Variants in KLHL4 observed in about 807,000 individuals in gnomAD.
KLHL4 encodes the protein kelch-like protein 4.
In KLHL4, 17 loss-of-function variants were observed where a neutral mutation model predicts 45.8. The ratio of observed to expected loss-of-function variants is 0.37; its 90% CI spans 0.25 to 0.56. The LOEUF is 0.56. KLHL4 is among the 20% of genes least tolerant of loss of function. KLHL4 has a pLI of 0.79. For synonymous variants in KLHL4, 224 were observed against 189.9 expected (o/e 1.18, Z -1.47); for missense variants, 544 against 544.9 (o/e 1.00, Z 0.02).
intron 9 of KLHL4, among the ~76,000 whole-genome samples, chrX:87,662,382 T>C (rs1924216981): frequency 9.0e-6 from 1 of 111,550 alleles, no homozygotes; most frequent in African/African-American, 3.3e-5. Context: ...TTCAAAAGGG[T>C]ATTTGAATAA....
intron 9 of KLHL4, among the ~76,000 whole-genome samples, chrX:87,637,258 G>A (rs1024749970): frequency 2.7e-5 from 3 of 111,455 alleles, no homozygotes; most frequent in Non-Finnish European, 5.6e-5. Flanking sequence ...TGGTGCTCAG[G>A]AAGCCCCATC....
chrX:87,546,056 C>CA lies in KLHL4; in HGVS notation c.422+27747dup, dbSNP rs778551609. Among the ~76,000 whole-genome samples the CA allele has an allele frequency of 1.8e-4, 20 of 111,293 alleles. No individual in the cohort carries two copies. The South Asian group carries it at 2.3e-3, about 13-fold the overall frequency. The stretch of plus-strand genomic sequence containing the variant: ...TGGCGATGCAATAGGAAAACAAAAA[C>CA]AAAAAACAACAAAACAAAACAAAAC... On this transcript the variant is annotated intron_variant, in intron 1 of 10. Coordinates refer to ENST00000373119, the MANE Select transcript of KLHL4 (RefSeq NM_019117.5).
At chrX:87,595,581 A>G (rs1270178040) in intron 1 of KLHL4, among the ~76,000 whole-genome samples, 1 of 111,593 alleles carries the variant, frequency 9.0e-6, no homozygotes, top group Non-Finnish European at 1.9e-5. Flanking sequence ...ACATTCCCCA[A>G]TTTATTTTTG....
chrX:87,568,383 C>CTTTTTTT lies in KLHL4; in HGVS notation c.423-45493_423-45487dup, dbSNP rs756469573. ...CTACAGCTTTTTTTCTTTTTCTTTT[C>CTTTTTTT]TTTTTTTCTTTTTTTTTTTTTTTTT... is the stretch of plus-strand genomic sequence containing the variant. On this transcript the variant is annotated intron_variant, in intron 1 of 10. Coordinates refer to ENST00000373119, the MANE Select transcript of KLHL4 (RefSeq NM_019117.5). Among the ~76,000 whole-genome samples the CTTTTTTT allele has an allele frequency of 2.0e-4, 12 of 59,211 alleles. 1 individual carries two copies. In the South Asian group the frequency reaches 6.9e-3, roughly 34 times the overall value. 51.4% of individuals were successfully genotyped at this position (59,211 alleles called of 115,157 possible).
intron 9 of KLHL4, among the ~76,000 whole-genome samples, chrX:87,637,353 C>T (rs1923295855): frequency 8.9e-6 from 1 of 111,863 alleles, no homozygotes; most frequent in South Asian, 3.7e-4. Context: ...AGTTCCAGAT[C>T]TTCCCTCTGA....
intron 9 of KLHL4, among the ~76,000 whole-genome samples, chrX:87,654,332 C>T (rs1160875408): frequency 9.0e-6 from 1 of 111,217 alleles, no homozygotes; most frequent in Non-Finnish European, 1.9e-5. Context: ...GTGTCTACTA[C>T]TCCACTTCCT....
In KLHL4 at chrX:87,622,238, C is replaced by A; in HGVS notation, c.952C>A (p.Gln318Lys). The A allele has an allele frequency of 8.3e-7, 1 of 1,207,264 alleles. No individual in the cohort carries two copies. Among genetic ancestry groups the A allele is most frequent in the East Asian group, 3.0e-5 (1 of 33,775 alleles). The change falls in exon 5 of 11, where the codon CAA becomes AAA. Residue 318 changes from glutamine to lysine, a missense_variant. Transcript: ENST00000373119. ...MEHFIEVIKN[Q>K]EFLLLPANEI... The stretch of plus-strand genomic sequence containing the variant: ...ACACTTCATTGAGGTAATAAAAAAC[C>A]AAGAATTCCTCCTGCTTCCAGCTAA...
intron 1 of KLHL4, among the ~76,000 whole-genome samples, chrX:87,545,837 G>T (rs981725562): frequency 9.0e-6 from 1 of 111,354 alleles, no homozygotes; most frequent in Admixed American, 9.6e-5. Flanking sequence ...GGCTGAGGTG[G>T]TCTCAGATGT....
At chrX:87,594,473 T>C (rs773828474) in intron 1 of KLHL4, among the ~76,000 whole-genome samples, 1 of 111,861 alleles carries the variant, frequency 8.9e-6, no homozygotes, top group African/African-American at 3.2e-5. Flanking sequence ...TCTGCCCTCA[T>C]GTGTTAAACT....
intron 1 of KLHL4, among the ~76,000 whole-genome samples, chrX:87,573,795 C>T (rs1181825203): frequency 3.6e-5 from 4 of 111,414 alleles, no homozygotes; most frequent in Admixed American, 1.9e-4. Flanking sequence ...CTAAGCCATA[C>T]AAATATTTTT....
chrX:87,545,240 C>A (rs1347990001), intron 1 of KLHL4, among the ~76,000 whole-genome samples: 1 of 112,178 alleles, frequency 8.9e-6, no homozygotes, highest in Non-Finnish European at 1.9e-5. Context: ...TTTGAAAATA[C>A]ACAGTCAGAG....
intron 1 of KLHL4, among the ~76,000 whole-genome samples, chrX:87,591,635 A>G (rs770223392): frequency 1.8e-5 from 2 of 111,580 alleles, no homozygotes; most frequent in Non-Finnish European, 1.9e-5. Flanking sequence ...TTCTGTGTAG[A>G]AGCTTTTTAG....
chrX:87,524,358 T>C, intron 1 of KLHL4, among the ~76,000 whole-genome samples: 1 of 112,314 alleles, frequency 8.9e-6, no homozygotes, highest in Non-Finnish European at 1.9e-5. Flanking sequence ...CATTGCATTG[T>C]ACCCCATAAA....
intron 4 of KLHL4, among the ~76,000 whole-genome samples, chrX:87,621,602 A>C (rs1331106872): frequency 9.0e-6 from 1 of 110,770 alleles, no homozygotes; most frequent in Non-Finnish European, 1.9e-5. Context: ...TAAAGAAAAA[A>C]CTTTATAGGA....
intron 9 of KLHL4, among the ~76,000 whole-genome samples, chrX:87,657,114 A>G (rs990089703): frequency 5.4e-5 from 6 of 111,515 alleles, no homozygotes; most frequent in Admixed American, 4.8e-4. Flanking sequence ...GTGTCAATGG[A>G]TTTTGTATTG....
intron 9 of KLHL4, among the ~76,000 whole-genome samples, chrX:87,654,806 T>G (rs769850583): frequency 2.5e-4 from 28 of 112,029 alleles, no homozygotes; most frequent in Admixed American, 6.6e-4. Flanking sequence ...TGCCAACATC[T>G]GTTATTATTT....
chrX:87,637,280 G>T (rs1923293116), intron 9 of KLHL4, among the ~76,000 whole-genome samples: 2 of 111,752 alleles, frequency 1.8e-5, no homozygotes, highest in Non-Finnish European at 3.8e-5. Flanking sequence ...CTAGGGGAAA[G>T]GGGAGAGCAC....
chrX:87,551,080 C>T (rs759871347), intron 1 of KLHL4, among the ~76,000 whole-genome samples: 5 of 108,530 alleles, frequency 4.6e-5, no homozygotes, highest in African/African-American at 1.7e-4. Flanking sequence ...TCTTTACTGA[C>T]GATATAACCA....
At chrX:87,532,509 A>G (rs1473583067) in intron 1 of KLHL4, among the ~76,000 whole-genome samples, 8 of 105,299 alleles carry the variant, frequency 7.6e-5, no homozygotes, top group Admixed American at 6.3e-4. Context: ...CATTGAATCT[A>G]TAAATTACCT....
Sources: gnomAD v4.1 joint callset for allele counts (sites outside exome capture counted in the v4.1 genomes callset) on GRCh38, gnomAD v4.1.1 for gene constraint, MANE v1.5 for transcripts, NCBI Gene and HGNC (gene_info 2026-07-23, HGNC 2026-07-21) for gene names.